ADAMTS5: variants seen among roughly 807,000 people sequenced by gnomAD.
ADAMTS5 encodes the protein ADAM metallopeptidase with thrombospondin type 1 motif 5, also known as A disintegrin and metalloproteinase with thrombospondin motifs 5.
A neutral mutation model predicts 81.4 loss-of-function variants in ADAMTS5; 54 were observed. That is an observed-to-expected ratio of 0.66 (90% CI 0.53 to 0.83). ADAMTS5 has a LOEUF of 0.83. Ranked by LOEUF, ADAMTS5 falls within the 40% of genes least tolerant of loss-of-function variation. The probability of loss-of-function intolerance (pLI) is 0.00; values close to 1 mark genes in which losing one functional copy is unlikely to be tolerated. For missense variants in ADAMTS5, 1,194 were observed against 1,229.9 expected (o/e 0.97, Z 0.44); for synonymous variants, 532 against 508.8 (o/e 1.05, Z -0.61).
At chr21:26,928,614 TTTCC>T (rs141744438) in intron 7 of ADAMTS5, among the ~76,000 whole-genome samples, 229 of 138,788 alleles carry the variant, frequency 1.6e-3, no homozygotes, top group African/African-American at 4.6e-3. Flanking sequence ...TTCCTTTTTC[TTTCC>T]TTCCTTCCTT....
In ADAMTS5 at chr21:26,967,088, T is replaced by C. The variant is rs1347867370; in HGVS notation, c.-697A>G. 6.6e-6 allele frequency among the ~76,000 whole-genome samples: 1 copy of C among 152,144 alleles called. No homozygotes were observed. Among genetic ancestry groups the C allele is most frequent in the African/African-American group, 2.4e-5 (1 of 41,446 alleles). ...AGCGCCGAGAGCAGCGCGAGCGCTGTGAAGATGCGAGGAGGTGGAACAATG... is the reference window on the plus strand; with the variant it reads ...AGCGCCGAGAGCAGCGCGAGCGCTGCGAAGATGCGAGGAGGTGGAACAATG... On this transcript the variant is annotated 5_prime_UTR_variant, in exon 1 of 8. Coordinates refer to ENST00000284987, the MANE Select transcript of ADAMTS5 (RefSeq NM_007038.5).
chr21:26,954,696 C>T, intron 2 of ADAMTS5, 43 bp downstream of exon 2: 4 of 1,606,630 alleles, frequency 2.5e-6, no homozygotes, highest in Non-Finnish European at 3.4e-6. Context: ...GCAGCTGTTA[C>T]AAGTGTTTGA....
intron 4 of ADAMTS5, 60 bp from the exon 5 acceptor site, chr21:26,933,104 A>G: frequency 6.6e-7 from 1 of 1,514,024 alleles, no homozygotes; most frequent in South Asian, 1.3e-5. Context: ...GAAAGTGTGC[A>G]TTTGGAAATC....
chr21:26,928,634 CTCTTTCTTTCTCTTTCCTTTG>C (rs1986848029), intron 7 of ADAMTS5, among the ~76,000 whole-genome samples: 1 of 84,340 alleles, frequency 1.2e-5, no homozygotes, highest in Non-Finnish European at 3.3e-5. Flanking sequence ...TCCTTCCTTC[CTCTTTCTTTCTCTTTCCTTTG>C]TCTTTCTTTC....
At chr21:26,933,548 G>A (rs1186684692) in intron 4 of ADAMTS5, among the ~76,000 whole-genome samples, 3 of 152,196 alleles carry the variant, frequency 2.0e-5, no homozygotes, top group Admixed American at 6.5e-5. Flanking sequence ...ACTCCATGAC[G>A]TTCATAAATG....
intron 1 of ADAMTS5, among the ~76,000 whole-genome samples, chr21:26,962,583 T>C (rs1436161935): frequency 6.6e-6 from 1 of 152,222 alleles, no homozygotes; most frequent in African/African-American, 2.4e-5. Flanking sequence ...TCCTCGTACA[T>C]TCGCTTCATG....
At chr21:26,964,356 G>A (rs1987593096) in intron 1 of ADAMTS5, among the ~76,000 whole-genome samples, 1 of 152,232 alleles carries the variant, frequency 6.6e-6, no homozygotes, top group Admixed American at 6.5e-5. Flanking sequence ...TAGATACTGC[G>A]TTCCTCCCTG....
intron 1 of ADAMTS5, among the ~76,000 whole-genome samples, chr21:26,961,000 T>C (rs1468578893): frequency 6.6e-6 from 1 of 152,200 alleles, no homozygotes; most frequent in African/African-American, 2.4e-5. Flanking sequence ...CAATGACCAT[T>C]TCCCTGTCTG....
intron 3 of ADAMTS5, among the ~76,000 whole-genome samples, chr21:26,936,083 G>C (rs1201581807): frequency 6.6e-6 from 1 of 152,134 alleles, no homozygotes; most frequent in Non-Finnish European, 1.5e-5. Flanking sequence ...CTCAGAGCCT[G>C]CCCTTTTCTT....
chr21:26,962,037 G>C (rs1215158346), intron 1 of ADAMTS5, among the ~76,000 whole-genome samples: 2 of 152,114 alleles, frequency 1.3e-5, no homozygotes, highest in Non-Finnish European at 2.9e-5. Context: ...GTTAATGAAA[G>C]GGAATTATCT....
intron 2 of ADAMTS5, among the ~76,000 whole-genome samples, chr21:26,949,335 G>A (rs754258030): frequency 6.6e-5 from 10 of 151,722 alleles, no homozygotes; most frequent in Non-Finnish European, 1.0e-4. Flanking sequence ...GGGACTACAG[G>A]TGCACACCAC....
rs776007868 is a variant in ADAMTS5, at chr21:26,934,467, GAAT to G, written c.1685_1687del (p.Tyr562del). On this transcript the variant is annotated inframe_deletion and splice_region_variant, in exon 4 of 8. Coordinates refer to ENST00000284987, the MANE Select transcript of ADAMTS5 (RefSeq NM_007038.5). Reference sequence around the variant, plus strand: ...TTGACTGATGAGAAAATCACTTACTGAATAATATTTTTTCTTGGTTTTGTCCAC... The same window carrying G: ...TTGACTGATGAGAAAATCACTTACTGAATATTTTTTCTTGGTTTTGTCCAC... 6.2e-7 allele frequency: 1 copy of G among 1,613,988 alleles called. No homozygotes were observed. Among genetic ancestry groups the G allele is most frequent in the African/African-American group, 1.3e-5 (1 of 74,924 alleles).
chr21:26,961,871 T>C (rs2123208488), intron 1 of ADAMTS5, among the ~76,000 whole-genome samples: 1 of 152,256 alleles, frequency 6.6e-6, no homozygotes, highest in Non-Finnish European at 1.5e-5. Context: ...TCTTCCAAAC[T>C]TCTGGTCTTC....
intron 3 of ADAMTS5, among the ~76,000 whole-genome samples, 197 bp downstream of exon 3, chr21:26,943,183 A>G (rs748587161): frequency 1.2e-4 from 18 of 152,162 alleles, no homozygotes; most frequent in African/African-American, 3.9e-4. Context: ...AAGCCAAAAT[A>G]CCATAGCTAA....
chr21:26,937,371 ATCT>A (rs1489078146), intron 3 of ADAMTS5, among the ~76,000 whole-genome samples: 7 of 152,348 alleles, frequency 4.6e-5, no homozygotes, highest in African/African-American at 1.7e-4. Flanking sequence ...TGTGGAGATG[ATCT>A]TCTCTTGCTT....
At chr21:26,960,470 G>T (rs2123207068) in intron 1 of ADAMTS5, among the ~76,000 whole-genome samples, 1 of 152,342 alleles carries the variant, frequency 6.6e-6, no homozygotes, top group South Asian at 2.1e-4. Context: ...AGGTCATGAG[G>T]ACAGGACTCT....
In ADAMTS5 at chr21:26,924,052, G is replaced by C; in HGVS notation, c.*1C>G. 1 of 1,588,950 alleles carries C rather than the reference G, an allele frequency of 6.3e-7. No individual in the cohort carries two copies. The highest frequency in any genetic ancestry group is 2.3e-5 in the East Asian group (1 of 44,326). ...TTTGTGCATAAGATCATAACCACAG[G>C]CTAACATTTCTTCAACAAGCATTGC... On this transcript the variant is annotated 3_prime_UTR_variant, in exon 8 of 8. Transcript: ENST00000284987.
In ADAMTS5 at chr21:26,922,011, T is replaced by G. The variant is rs1986707911; in HGVS notation, c.*2042A>C. 2 of 152,098 alleles carry G rather than the reference T, an allele frequency of 1.3e-5. No homozygotes were observed. Among genetic ancestry groups the G allele is most frequent in the Admixed American group, 6.5e-5 (1 of 15,276 alleles). 9.4% of individuals were successfully genotyped at this position (152,098 alleles called of 1,614,324 possible). ...TTTCCAAAATGGAAAAAAGTAACAT[T>G]AACCTCTCTCCTAATTCTCTTTGCA... is the stretch of plus-strand genomic sequence containing the variant. On this transcript the variant is annotated 3_prime_UTR_variant, in exon 8 of 8. Transcript: ENST00000284987.
chr21:26,943,939 G>C (rs1411651693), intron 2 of ADAMTS5, among the ~76,000 whole-genome samples: 1 of 152,152 alleles, frequency 6.6e-6, no homozygotes, highest in Admixed American at 6.6e-5. Context: ...AGCCCCATGA[G>C]ATCAAAGTGC....
Sources: gnomAD v4.1 joint callset for allele counts (sites outside exome capture counted in the v4.1 genomes callset) on GRCh38, gnomAD v4.1.1 for gene constraint, MANE v1.5 for transcripts, NCBI Gene and HGNC (gene_info 2026-07-23, HGNC 2026-07-21) for gene names.